Variants in CNTN4 observed in about 807,000 individuals in gnomAD.
CNTN4 encodes the protein contactin-4.
CNTN4 carries 77 observed loss-of-function variants against 122.5 expected under a neutral mutation model. The observed-to-expected ratio is 0.63, with a 90% confidence interval of 0.52 to 0.76. The LOEUF (loss-of-function observed/expected upper bound fraction) is 0.76. Among genes scored for constraint, CNTN4 ranks in the 30% least tolerant of loss-of-function variants. CNTN4 has a pLI of 0.00. For missense variants in CNTN4, 1,256 were observed against 1,259.1 expected, an observed-to-expected ratio of 1.00 and a Z score of 0.04; for synonymous variants, 512 against 447.0, an observed-to-expected ratio of 1.15 and a Z score of -1.83.
intron 4 of CNTN4, among the ~76,000 whole-genome samples, chr3:2,648,089 A>AT (rs897102628): frequency 1.3e-3 from 201 of 151,868 alleles, no homozygotes; most frequent in African/African-American, 4.5e-3. Flanking sequence ...CGCTCTGAAG[A>AT]TTTTTTTTTC....
At chr3:3,041,734 G>A (rs1203555063) in intron 20 of CNTN4, among the ~76,000 whole-genome samples, 1 of 152,178 alleles carries the variant, frequency 6.6e-6, no homozygotes, top group Non-Finnish European at 1.5e-5. Flanking sequence ...GGGGGATGTG[G>A]GAGGATAGCA....
rs1274162933 is a variant in CNTN4, at chr3:2,771,961, C to T, written c.358+26264C>T. Among the ~76,000 whole-genome samples the T allele has an allele frequency of 5.3e-5, 8 of 152,148 alleles. No homozygotes were observed. In the South Asian group the frequency reaches 8.3e-4, roughly 16 times the overall value. ...GTTTCATGCGACAAGAACAGCAAAG[C>T]CTGAATCTTCATGGATATGCACGGG... On this transcript the variant is annotated intron_variant, in intron 6 of 24. Transcript: ENST00000418658.
chr3:2,252,604 T>C (rs9849070), intron 2 of CNTN4, among the ~76,000 whole-genome samples: 1 of 152,080 alleles, frequency 6.6e-6, no homozygotes, highest in Non-Finnish European at 1.5e-5. Flanking sequence ...GCAGGTTAGT[T>C]TGTCCTGTCT....
chr3:2,659,254 G>C (rs968491353), intron 4 of CNTN4, among the ~76,000 whole-genome samples: 4 of 151,938 alleles, frequency 2.6e-5, no homozygotes, highest in African/African-American at 9.7e-5. Context: ...CTTGAGGTCA[G>C]AGTTGGAGAC....
chr3:2,489,320 G>C (rs2076249078), intron 3 of CNTN4, among the ~76,000 whole-genome samples: 1 of 152,036 alleles, frequency 6.6e-6, no homozygotes, highest in East Asian at 1.9e-4. Flanking sequence ...CCAAGATTTG[G>C]GTAACAAATG....
At chr3:2,724,309 G>A (rs867777055) in intron 4 of CNTN4, among the ~76,000 whole-genome samples, 2 of 152,096 alleles carry the variant, frequency 1.3e-5, no homozygotes, top group Non-Finnish European at 2.9e-5. Context: ...AGGAAGAACC[G>A]TATCTGGAGC....
At chr3:2,481,110 T>C (rs558390440) in intron 3 of CNTN4, among the ~76,000 whole-genome samples, 8 of 151,630 alleles carry the variant, frequency 5.3e-5, no homozygotes, top group Admixed American at 3.9e-4. Flanking sequence ...TCTTTCTCTC[T>C]TTCTCTCTTT....
chr3:3,006,708 C>A (rs1422029626), intron 14 of CNTN4, among the ~76,000 whole-genome samples: 1 of 152,128 alleles, frequency 6.6e-6, no homozygotes, highest in South Asian at 2.1e-4. Flanking sequence ...GGGACATGGG[C>A]TTTGGTGTCT....
At chr3:2,213,596 G>C (rs953752393) in intron 2 of CNTN4, among the ~76,000 whole-genome samples, 1 of 152,162 alleles carries the variant, frequency 6.6e-6, no homozygotes, top group Non-Finnish European at 1.5e-5. Context: ...CTCAAATGTA[G>C]CATATGCAGA....
In CNTN4 at chr3:2,613,088, A is replaced by G. The variant is rs188249243; in HGVS notation, c.55+41530A>G. ...CAGTGGTGCAATACATCATCCGTGA[A>G]CTAAGATTTTCATTTTATCATTAAT... is the stretch of plus-strand genomic sequence containing the variant. On this transcript the variant is annotated intron_variant, in intron 4 of 24. Transcript: ENST00000418658. Among the ~76,000 whole-genome samples, 3 of 152,246 alleles carry G rather than the reference A, an allele frequency of 2.0e-5. No individual in the cohort carries two copies. The East Asian group carries it at 5.8e-4, about 29-fold the overall frequency.
chr3:2,359,772 C>T (rs1002753467), intron 3 of CNTN4, among the ~76,000 whole-genome samples: 1 of 152,172 alleles, frequency 6.6e-6, no homozygotes. Flanking sequence ...ATCTCCTGAC[C>T]TCGTGATCCA....
At chr3:2,289,607 T>A (rs1470298870) in intron 2 of CNTN4, among the ~76,000 whole-genome samples, 1 of 152,202 alleles carries the variant, frequency 6.6e-6, no homozygotes, top group Non-Finnish European at 1.5e-5. Context: ...CATAAGATGG[T>A]CTTCCTGTCC....
chr3:2,829,152 T>G (rs1229725547), intron 7 of CNTN4, among the ~76,000 whole-genome samples: 1 of 152,210 alleles, frequency 6.6e-6, no homozygotes, highest in East Asian at 1.9e-4. Context: ...TCCTCCCTTT[T>G]TTCTCTTCCC....
chr3:3,048,069 C>T (rs190592534), intron 23 of CNTN4, among the ~76,000 whole-genome samples: 4 of 152,146 alleles, frequency 2.6e-5, no homozygotes, highest in South Asian at 4.1e-4. Flanking sequence ...CTGGAAGAGC[C>T]AGACACCCTA....
At chr3:2,490,583 G>A (rs953027369) in intron 3 of CNTN4, among the ~76,000 whole-genome samples, 1 of 152,164 alleles carries the variant, frequency 6.6e-6, no homozygotes, top group Admixed American at 6.5e-5. Flanking sequence ...TTATGCTAAT[G>A]CAGAACTCTT....
chr3:2,696,483 G>C (rs1049502374), intron 4 of CNTN4, among the ~76,000 whole-genome samples: 5 of 152,206 alleles, frequency 3.3e-5, no homozygotes, highest in African/African-American at 1.2e-4. Context: ...TGAGGACATA[G>C]CATTCCTCCC....
chr3:2,179,177 T>C (rs879120063), intron 2 of CNTN4, among the ~76,000 whole-genome samples: 3 of 152,106 alleles, frequency 2.0e-5, no homozygotes, highest in African/African-American at 7.2e-5. Flanking sequence ...GTAATTATGT[T>C]GAGAGTAATC....
intron 4 of CNTN4, among the ~76,000 whole-genome samples, chr3:2,669,776 G>T (rs2084392777): frequency 1.3e-5 from 2 of 152,152 alleles, no homozygotes. Context: ...GTGTCCCAGA[G>T]ATTCTGGTAT....
At position 2,581,603 on chromosome 3, in the gene CNTN4, T is replaced by A. The variant is rs534848677; in HGVS notation, c.55+10045T>A. On this transcript the variant is annotated intron_variant, in intron 4 of 24. Coordinates refer to ENST00000418658, the MANE Select transcript of CNTN4 (RefSeq NM_175607.3). ...GAGGAGAGAATGTCAGAGTCTTGTA[T>A]TTAGAAAAAACAGTGAAGACCAGTT... 3.9e-5 allele frequency among the ~76,000 whole-genome samples: 6 copies of A among 152,324 alleles called. No homozygotes were observed. The South Asian group carries it at 1.2e-3, about 32-fold the overall frequency.
Sources: allele counts gnomAD v4.1 joint callset (sites outside exome capture counted in the v4.1 genomes callset), GRCh38; gene constraint gnomAD v4.1.1; transcripts MANE v1.5; gene names NCBI Gene and HGNC (gene_info 2026-07-23, HGNC 2026-07-21).